Variants in EXT2 observed in about 807,000 individuals in gnomAD.
EXT2 encodes the protein exostosin glycosyltransferase 2, also known as exostosin-2.
In EXT2, 53 loss-of-function variants were observed where a neutral mutation model predicts 81.6. The ratio of observed to expected loss-of-function variants is 0.65; its 90% CI spans 0.52 to 0.82. The LOEUF is 0.82. Ranked by LOEUF, EXT2 falls within the 40% of genes least tolerant of loss-of-function variation. The pLI, the probability that EXT2 is intolerant of heterozygous loss-of-function variation, is 0.00. For missense variants in EXT2, 774 were observed against 910.2 expected, an observed-to-expected ratio of 0.85 and a Z score of 1.93; for synonymous variants, 320 against 340.0, an observed-to-expected ratio of 0.94 and a Z score of 0.65.
chr11:44,233,016 G>A (rs1201645635), intron 11 of EXT2, among the ~76,000 whole-genome samples: 1 of 152,150 alleles, frequency 6.6e-6, no homozygotes, highest in Non-Finnish European at 1.5e-5. Context: ...TAATGTTAGT[G>A]ATAGATGTCC....
chr11:44,171,281 A>G (rs1955069195), intron 7 of EXT2, among the ~76,000 whole-genome samples: 1 of 152,240 alleles, frequency 6.6e-6, no homozygotes, highest in South Asian at 2.1e-4. Context: ...GCTGTACACA[A>G]GATTTGTGCA....
chr11:44,208,288 G>A (rs1955607481), intron 10 of EXT2, among the ~76,000 whole-genome samples: 1 of 151,978 alleles, frequency 6.6e-6, no homozygotes, highest in African/African-American at 2.4e-5. Context: ...CAAAAGAGAG[G>A]TGGAAAAAAG....
chr11:44,188,125 C>T (rs1164158882), intron 8 of EXT2, among the ~76,000 whole-genome samples: 1 of 152,154 alleles, frequency 6.6e-6, no homozygotes, highest in Non-Finnish European at 1.5e-5. Flanking sequence ...GCAATTTTAA[C>T]CTATTGCTGA....
At chr11:44,154,167 C>T (rs1266129366) in intron 7 of EXT2, among the ~76,000 whole-genome samples, 1 of 151,926 alleles carries the variant, frequency 6.6e-6, no homozygotes, top group African/African-American at 2.4e-5. Context: ...GTCTTTTAGT[C>T]ATTTTGAGAT....
At chr11:44,216,415 G>C (rs1185524734) in intron 10 of EXT2, among the ~76,000 whole-genome samples, 1 of 152,202 alleles carries the variant, frequency 6.6e-6, no homozygotes, top group African/African-American at 2.4e-5. Flanking sequence ...GGAACACAGA[G>C]AGATTGCATG....
intron 7 of EXT2, among the ~76,000 whole-genome samples, chr11:44,145,023 G>A (rs1311631898): frequency 6.6e-6 from 1 of 152,052 alleles, no homozygotes; most frequent in East Asian, 1.9e-4. Flanking sequence ...GAGAGAGCCC[G>A]GCTGTAGTTT....
chr11:44,143,504 T>C (rs1172066213), intron 7 of EXT2, among the ~76,000 whole-genome samples: 2 of 152,206 alleles, frequency 1.3e-5, no homozygotes, highest in Non-Finnish European at 2.9e-5. Context: ...TTTGTCGTCC[T>C]TCAGATGAGA....
At chr11:44,169,055 A>G (rs1175989588) in intron 7 of EXT2, among the ~76,000 whole-genome samples, 1 of 152,026 alleles carries the variant, frequency 6.6e-6, no homozygotes, top group Non-Finnish European at 1.5e-5. Context: ...CCCCATCTCT[A>G]CTAAAAATAC....
At chr11:44,218,163 T>C (rs1331311294) in intron 10 of EXT2, among the ~76,000 whole-genome samples, 1 of 152,186 alleles carries the variant, frequency 6.6e-6, no homozygotes, top group Non-Finnish European at 1.5e-5. Flanking sequence ...CTTCCTAAGG[T>C]AATAACAAGT....
intron 7 of EXT2, among the ~76,000 whole-genome samples, chr11:44,169,221 A>G: frequency 6.6e-6 from 1 of 152,006 alleles, no homozygotes; most frequent in South Asian, 2.1e-4. Flanking sequence ...CTCTGTCTCA[A>G]AAATAAATAA....
At chr11:44,157,828 G>A (rs1363600991) in intron 7 of EXT2, among the ~76,000 whole-genome samples, 1 of 152,154 alleles carries the variant, frequency 6.6e-6, no homozygotes, top group East Asian at 1.9e-4. Flanking sequence ...GAATGTGCTG[G>A]GTCATACCTG....
intron 10 of EXT2, among the ~76,000 whole-genome samples, chr11:44,226,928 T>A (rs1396335565): frequency 6.6e-6 from 1 of 152,242 alleles, no homozygotes; most frequent in Non-Finnish European, 1.5e-5. Flanking sequence ...GTGCCTTGGA[T>A]CTATAGACTG....
intron 10 of EXT2, 121 bp downstream of exon 10, chr11:44,207,080 T>C: frequency 8.6e-7 from 1 of 1,158,512 alleles, no homozygotes; most frequent in Non-Finnish European, 1.3e-6. Context: ...AATCTTCCAG[T>C]AGAGTCCAAA....
intron 7 of EXT2, among the ~76,000 whole-genome samples, chr11:44,135,781 A>G (rs998538216): frequency 1.3e-5 from 2 of 152,220 alleles, no homozygotes; most frequent in African/African-American, 4.8e-5. Flanking sequence ...TGGATATATC[A>G]TTATAAGATG....
chr11:44,216,403 G>C (rs1199596501), intron 10 of EXT2, among the ~76,000 whole-genome samples: 1 of 152,170 alleles, frequency 6.6e-6, no homozygotes, highest in Non-Finnish European at 1.5e-5. Context: ...TCACTTTCTT[G>C]CGGAACACAG....
intron 7 of EXT2, among the ~76,000 whole-genome samples, chr11:44,146,134 T>C (rs917049180): frequency 1.3e-5 from 2 of 152,244 alleles, no homozygotes; most frequent in African/African-American, 4.8e-5. Flanking sequence ...GTCGTCCCTC[T>C]GTATTCACGC....
intron 10 of EXT2, among the ~76,000 whole-genome samples, chr11:44,211,998 G>A (rs1955653453): frequency 6.6e-6 from 1 of 152,074 alleles, no homozygotes; most frequent in South Asian, 2.1e-4. Flanking sequence ...TTTAAAAGAT[G>A]GTATAGGCTG....
At chr11:44,172,920 A>G (rs192797507) in intron 8 of EXT2, among the ~76,000 whole-genome samples, 1 of 152,306 alleles carries the variant, frequency 6.6e-6, no homozygotes, top group Admixed American at 6.5e-5. Flanking sequence ...TACCTGGTTA[A>G]TCTTCATATA....
intron 8 of EXT2, among the ~76,000 whole-genome samples, chr11:44,174,420 A>G (rs1286748253): frequency 6.6e-6 from 1 of 151,550 alleles, no homozygotes; most frequent in Non-Finnish European, 1.5e-5. Flanking sequence ...TTATATATAT[A>G]TATATATTTG....
Sources: gnomAD v4.1 joint callset for allele counts (sites outside exome capture counted in the v4.1 genomes callset) on GRCh38, gnomAD v4.1.1 for gene constraint, MANE v1.5 for transcripts, NCBI Gene and HGNC (gene_info 2026-07-23, HGNC 2026-07-21) for gene names.